Variants in ADAMTS2 observed in about 807,000 individuals in gnomAD.
ADAMTS2 encodes ADAM metallopeptidase with thrombospondin type 1 motif 2.
In ADAMTS2, 50 loss-of-function variants were observed where a neutral mutation model predicts 123.0. The ratio of observed to expected loss-of-function variants is 0.41; its 90% confidence interval spans 0.32 to 0.51. The LOEUF is 0.51. ADAMTS2 is among the 20% of genes least tolerant of loss of function. The pLI, the probability that ADAMTS2 is intolerant of heterozygous loss-of-function variation, is 0.35. For synonymous variants in ADAMTS2, 678 were observed against 695.4 expected (o/e 0.98, Z 0.39); for missense variants, 1,494 against 1,705.2 (o/e 0.88, Z 2.18).
Position 179,272,323 on chromosome 5 carries a change from G to A in ADAMTS2, c.688+588C>T, listed in dbSNP as rs561500157. The stretch of plus-strand genomic sequence containing the variant: ...GAAAAAGACAGACGCCCATGAGTCT[G>A]TGCAGAGACTGCTGAGGCTGCTGGG... On this transcript the variant is annotated intron_variant, in intron 3 of 21. Transcript: ENST00000251582. The surrounding 1 kb of genome is among the most constrained non-coding windows in gnomAD (Gnocchi z 5.8). Among the ~76,000 whole-genome samples the A allele has an allele frequency of 9.8e-5, 15 of 152,348 alleles. No homozygotes were observed. The highest frequency in any genetic ancestry group is 2.1e-4 in the South Asian group (1 of 4,820).
intron 3 of ADAMTS2, among the ~76,000 whole-genome samples, chr5:179,266,026 A>G (rs1449326399): frequency 2.0e-5 from 3 of 152,200 alleles, no homozygotes; most frequent in African/African-American, 7.2e-5. Flanking sequence ...GAGAGCACCT[A>G]TCACCACGCC....
At chr5:179,274,051 T>G (rs1255313925) in intron 2 of ADAMTS2, among the ~76,000 whole-genome samples, 3 of 102,470 alleles carry the variant, frequency 2.9e-5, no homozygotes, top group Non-Finnish European at 5.7e-5. Flanking sequence ...GTGTTCCCCC[T>G]TCGAGGCCTG....
chr5:179,136,976 A>AT (rs1763076809), intron 12 of ADAMTS2, among the ~76,000 whole-genome samples: 1 of 152,116 alleles, frequency 6.6e-6, no homozygotes, highest in South Asian at 2.1e-4. Flanking sequence ...TCTCAAAAAA[A>AT]AAAAAAGTAA....
rs1757047156 is a variant in ADAMTS2, at chr5:179,317,874, A to T, written c.534+25893T>A. On this transcript the variant is annotated intron_variant, in intron 2 of 21. Transcript: ENST00000251582. The surrounding 1 kb of genome is among the most constrained non-coding windows in gnomAD (Gnocchi z 4.9). Reference sequence around the variant, plus strand: ...CACAGTGAGGGAGGGAGGCAGGTGTAGACTGGGCCAGGGAAAGGTTCTGGA... The same window carrying T: ...CACAGTGAGGGAGGGAGGCAGGTGTTGACTGGGCCAGGGAAAGGTTCTGGA... Among the ~76,000 whole-genome samples, 1 of 152,170 alleles carries T rather than the reference A, an allele frequency of 6.6e-6. No individual in the cohort carries two copies. The highest frequency in any genetic ancestry group is 6.5e-5 in the Admixed American group (1 of 15,286).
intron 10 of ADAMTS2, among the ~76,000 whole-genome samples, chr5:179,141,692 G>A (rs559540568): frequency 6.6e-6 from 1 of 152,104 alleles, no homozygotes; most frequent in Non-Finnish European, 1.5e-5. Flanking sequence ...AAGAAGACGG[G>A]GCTGCCTCTA....
chr5:179,149,130 C>T (rs928749470), intron 10 of ADAMTS2, among the ~76,000 whole-genome samples: 4 of 152,146 alleles, frequency 2.6e-5, no homozygotes, highest in Non-Finnish European at 5.9e-5. Context: ...GGCCTGAGTG[C>T]GTGTGTCCCC....
intron 5 of ADAMTS2, among the ~76,000 whole-genome samples, chr5:179,159,312 G>T (rs1188009353): frequency 6.6e-6 from 1 of 152,172 alleles, no homozygotes; most frequent in African/African-American, 2.4e-5. Context: ...GGCAGGGGAG[G>T]CGGAAATTCC....
intron 2 of ADAMTS2, among the ~76,000 whole-genome samples, chr5:179,331,801 T>A (rs909120118): frequency 6.6e-6 from 1 of 152,140 alleles, no homozygotes; most frequent in African/African-American, 2.4e-5. Flanking sequence ...TGGGATCTGT[T>A]TTCACTCACA....
intron 5 of ADAMTS2, among the ~76,000 whole-genome samples, chr5:179,167,211 C>T (rs1450057496): frequency 6.6e-6 from 1 of 150,736 alleles, no homozygotes; most frequent in Non-Finnish European, 1.5e-5. Flanking sequence ...GTCCCACAGC[C>T]GGAAAGAGGT....
At position 179,113,613 on chromosome 5, in the gene ADAMTS2, G is replaced by T; in HGVS notation, c.*254C>A. The T allele has an allele frequency of 1.9e-6, 1 of 535,462 alleles. No individual in the cohort carries two copies. The highest frequency in any genetic ancestry group is 3.4e-6 in the Non-Finnish European group (1 of 298,308). The allele number at this position is 535,462 out of a possible 1,614,324, so 33.2% of individuals were successfully genotyped here. On this transcript the variant is annotated 3_prime_UTR_variant, in exon 22 of 22. Coordinates refer to ENST00000251582, the MANE Select transcript of ADAMTS2 (RefSeq NM_014244.5). ...TGCCCTCACTGAGGGAGGCCATACA[G>T]CCTCTATATTCCTCTCCACTGCACA... is the stretch of plus-strand genomic sequence containing the variant.
chr5:179,145,371 G>A (rs1251612781), intron 10 of ADAMTS2, among the ~76,000 whole-genome samples: 1 of 152,126 alleles, frequency 6.6e-6, no homozygotes, highest in African/African-American at 2.4e-5. Flanking sequence ...TCCATTTCTA[G>A]GTGTACATCC....
rs563560691 is a variant in ADAMTS2, at chr5:179,151,975, C to T, written c.1629+167G>A. The stretch of plus-strand genomic sequence containing the variant: ...CAGAAGCACAGGGTGGAGGCAGCTC[C>T]GGCGTACAGCGTGTGAGGGGTAATT... On this transcript the variant is annotated intron_variant, in intron 10 of 21. Coordinates refer to ENST00000251582, the MANE Select transcript of ADAMTS2 (RefSeq NM_014244.5). Among the ~76,000 whole-genome samples, 21 of 152,254 alleles carry T rather than the reference C, an allele frequency of 1.4e-4. No homozygotes were observed. The East Asian group carries it at 1.9e-3, about 14-fold the overall frequency.
At position 179,117,222 on chromosome 5, in the gene ADAMTS2, T is replaced by C. The variant is rs1437902860; in HGVS notation, c.3179-2898A>G. Among the ~76,000 whole-genome samples the C allele has an allele frequency of 6.6e-6, 1 of 152,082 alleles. No individual in the cohort carries two copies. Among genetic ancestry groups the C allele is most frequent in the Non-Finnish European group, 1.5e-5 (1 of 68,018 alleles). On this transcript the variant is annotated intron_variant, in intron 21 of 21. Transcript: ENST00000251582. This position sits in a 1 kb window ranked among gnomAD's most constrained non-coding sequence, Gnocchi z 4.2. ...TCAGGGAAACACAGGGGGTTCTGGA[T>C]AAGAGCTGATGGTGGCCTCCCTTCT...
intron 3 of ADAMTS2, among the ~76,000 whole-genome samples, chr5:179,241,304 G>C (rs1274901123): frequency 6.6e-6 from 1 of 152,212 alleles, no homozygotes; most frequent in Non-Finnish European, 1.5e-5. Flanking sequence ...CCTCATCGCA[G>C]GCAATGGGAC....
chr5:179,189,352 T>TG lies in ADAMTS2; in HGVS notation c.892-8198_892-8197insC. Among the ~76,000 whole-genome samples the TG allele has an allele frequency of 8.6e-6, 1 of 116,780 alleles. No homozygotes were observed. Among genetic ancestry groups the TG allele is most frequent in the East Asian group, 2.0e-4 (1 of 5,038 alleles). The allele number at this position is 116,780 out of a possible 152,430, so 76.6% of individuals were successfully genotyped here. On this transcript the variant is annotated intron_variant, in intron 4 of 21. Transcript: ENST00000251582. The surrounding 1 kb of genome is among the most constrained non-coding windows in gnomAD (Gnocchi z 4.2). ...GATAGACGGTGGAGTTAGGAGCAATTTTTTTTTTTTTTTGAGACGGAGTCT... is the reference window on the plus strand; with the variant it reads ...GATAGACGGTGGAGTTAGGAGCAATTGTTTTTTTTTTTTTGAGACGGAGTCT...
chr5:179,283,226 G>GA (rs199897117), intron 2 of ADAMTS2, among the ~76,000 whole-genome samples: 70 of 148,898 alleles, frequency 4.7e-4, no homozygotes, highest in African/African-American at 1.2e-3. Context: ...ATATATTCTG[G>GA]AAAAAAAAAG....
At chr5:179,199,358 G>A (rs983840534) in intron 4 of ADAMTS2, among the ~76,000 whole-genome samples, 1 of 152,140 alleles carries the variant, frequency 6.6e-6, no homozygotes, top group East Asian at 1.9e-4. Flanking sequence ...CGTGGTGGTG[G>A]CCATCCCGCC....
chr5:179,332,914 A>G lies in ADAMTS2; in HGVS notation c.534+10853T>C, dbSNP rs1397860274. Among the ~76,000 whole-genome samples the G allele has an allele frequency of 6.6e-6, 1 of 152,148 alleles. No homozygotes were observed. The highest frequency in any genetic ancestry group is 1.5e-5 in the Non-Finnish European group (1 of 68,014). ...CAGTGCTCAACGCCCATGGAGCTCC[A>G]GGTGGCCGCCAAGTGTGGACAGCCC... is the stretch of plus-strand genomic sequence containing the variant. On this transcript the variant is annotated intron_variant, in intron 2 of 21. Transcript: ENST00000251582. This position sits in a 1 kb window ranked among gnomAD's most constrained non-coding sequence, Gnocchi z 4.2.
At position 179,121,736 on chromosome 5, in the gene ADAMTS2, G is replaced by T; in HGVS notation, c.3103C>A (p.Pro1035Thr). ...TGAACTACGTAGCTCTTCTTGGAGG[G>T]ATCTGAGATGTTTCCTAGAGGGAGG... Reference protein sequence around the residue: ...LGPCPRNISDPSKKSYVVQWL... With the variant: ...LGPCPRNISDTSKKSYVVQWL... The change falls in exon 21 of 22, where the codon CCC becomes ACC. Residue 1035 changes from proline (P) to threonine (T), a missense_variant. By Grantham distance (38) the Pro-to-Thr change is conservative. Around this residue, in one of 6 missense-constraint regions of ADAMTS2, gnomAD observed 953 missense variants for 1,124.7 expected, o/e 0.85. Coordinates refer to ENST00000251582, the MANE Select transcript of ADAMTS2 (RefSeq NM_014244.5). 6.3e-7 allele frequency: 1 copy of T among 1,580,434 alleles called. No homozygotes were observed. Among genetic ancestry groups the T allele is most frequent in the South Asian group, 1.2e-5 (1 of 85,978 alleles).
Sources: allele counts gnomAD v4.1 joint callset (sites outside exome capture counted in the v4.1 genomes callset), GRCh38; gene constraint gnomAD v4.1.1; regional missense constraint gnomAD v4.1.1; non-coding constraint Gnocchi (gnomAD v3.1); transcripts MANE v1.5; gene names NCBI Gene and HGNC (gene_info 2026-07-23, HGNC 2026-07-21).